TTLL11: variants seen among roughly 807,000 people sequenced by gnomAD.
TTLL11 encodes tubulin tyrosine ligase like 11.
In TTLL11, 42 loss-of-function variants were observed where a neutral mutation model predicts 51.7. That is an observed-to-expected ratio of 0.81 (90% confidence interval 0.64 to 1.05). TTLL11 has a LOEUF of 1.05. Ranked by LOEUF, TTLL11 falls within the 50% of genes least tolerant of loss-of-function variation. The probability of loss-of-function intolerance (pLI) is 0.00; values close to 1 mark genes in which losing one functional copy is unlikely to be tolerated. For missense variants in TTLL11, 799 were observed against 940.4 expected, an observed-to-expected ratio of 0.85 and a Z score of 1.97; for synonymous variants, 381 against 383.5, an observed-to-expected ratio of 0.99 and a Z score of 0.08.
intron 8 of TTLL11, among the ~76,000 whole-genome samples, chr9:121,832,395 A>G (rs1837045909): frequency 1.3e-5 from 2 of 152,216 alleles, no homozygotes; most frequent in Admixed American, 1.3e-4. Context: ...CTCTTTGGTA[A>G]CATTGCCTTA....
In TTLL11 at chr9:121,817,179, T is replaced by C. The variant is rs1836436245; in HGVS notation, c.*5408A>G. The C allele has an allele frequency of 6.6e-6, 1 of 152,132 alleles. No individual in the cohort carries two copies. The highest frequency in any genetic ancestry group is 1.5e-5 in the Non-Finnish European group (1 of 68,054). 9.4% of individuals were successfully genotyped at this position (152,132 alleles called of 1,614,324 possible). A position where few individuals can be genotyped will look rare whatever the true frequency, so the allele number is the denominator to read the frequency against. ...AAGAAATGGGGAAAAAATTAAGCTATTCTGGAGGGACACTCTGCCAATCAC... is the reference window on the plus strand; with the variant it reads ...AAGAAATGGGGAAAAAATTAAGCTACTCTGGAGGGACACTCTGCCAATCAC... On this transcript the variant is annotated 3_prime_UTR_variant, in exon 9 of 9. Transcript: ENST00000321582.
At chr9:122,005,954 T>C (rs1056145950) in intron 3 of TTLL11, among the ~76,000 whole-genome samples, 5 of 152,232 alleles carry the variant, frequency 3.3e-5, no homozygotes, top group African/African-American at 1.2e-4. Flanking sequence ...GTATATAACA[T>C]GAAGACAGCC....
intron 1 of TTLL11, among the ~76,000 whole-genome samples, chr9:122,060,719 G>C (rs149105712): frequency 6.6e-6 from 1 of 152,146 alleles, no homozygotes; most frequent in African/African-American, 2.4e-5. Context: ...CTGTAAAATG[G>C]GGGGAGAAGT....
intron 1 of TTLL11, among the ~76,000 whole-genome samples, chr9:122,069,359 T>G (rs1040803465): frequency 6.6e-6 from 1 of 152,112 alleles, no homozygotes; most frequent in Non-Finnish European, 1.5e-5. Flanking sequence ...TCACTGCTAG[T>G]CAGCCAGGGG....
Position 121,860,462 on chromosome 9 carries a change from G to T in TTLL11, c.1734-19C>A. ...GCAGCTCCTGCCAACAATGGGAAGTGACATGTCACTGCCAGCCTGAAACCT... is the reference window on the plus strand; with the variant it reads ...GCAGCTCCTGCCAACAATGGGAAGTTACATGTCACTGCCAGCCTGAAACCT... On this transcript the variant is annotated intron_variant, in intron 7 of 8. Transcript: ENST00000321582. 1 of 1,545,532 alleles carries T rather than the reference G, an allele frequency of 6.5e-7. No individual in the cohort carries two copies. The highest frequency in any genetic ancestry group is 1.2e-5 in the South Asian group (1 of 83,744).
intron 6 of TTLL11, among the ~76,000 whole-genome samples, chr9:121,905,149 ATC>A: frequency 6.6e-6 from 1 of 152,286 alleles, no homozygotes; most frequent in South Asian, 2.1e-4. Context: ...GTAATATTAT[ATC>A]TCTCTGTAGA....
chr9:121,998,982 C>T (rs1843377487), intron 3 of TTLL11, among the ~76,000 whole-genome samples: 1 of 152,152 alleles, frequency 6.6e-6, no homozygotes, highest in Non-Finnish European at 1.5e-5. Flanking sequence ...GGTTTCTCCC[C>T]ATATTCCAAG....
At chr9:121,826,217 T>TATATATATATATATA (rs1491163835) in intron 8 of TTLL11, among the ~76,000 whole-genome samples, 1 of 58,114 alleles carries the variant, frequency 1.7e-5, no homozygotes, top group Non-Finnish European at 3.0e-5. Flanking sequence ...TATATATATA[T>TATATATATATATATA]GCACACATAT....
rs930400637 is a variant in TTLL11 at position 121,974,129 on chromosome 9, A to C, written c.1366-5T>G. On this transcript the variant is annotated splice_polypyrimidine_tract_variant and splice_region_variant and intron_variant, in intron 5 of 8. Transcript: ENST00000321582. Reference sequence around the variant, plus strand: ...TTCAAACACCCCTGGAGAAAGCTTGAACGGGTAAGGATTCTGTGTCACAGT... The same window carrying C: ...TTCAAACACCCCTGGAGAAAGCTTGCACGGGTAAGGATTCTGTGTCACAGT... 1.9e-6 allele frequency: 3 copies of C among 1,548,602 alleles called. No homozygotes were observed. Among genetic ancestry groups the C allele is most frequent in the Non-Finnish European group, 2.6e-6 (3 of 1,144,706 alleles).
chr9:121,917,574 AAAGG>A lies in TTLL11; in HGVS notation c.1482-46830_1482-46827del, dbSNP rs1335633530. ...AAGAAAAAGAAAGAAAGAAAGAAAG[AAAGG>A]AAGGAAAAGAAGAGAGGGAAAGAAG... On this transcript the variant is annotated intron_variant, in intron 6 of 8. Coordinates refer to ENST00000321582, the MANE Select transcript of TTLL11 (RefSeq NM_001139442.2). 4.0e-3 allele frequency among the ~76,000 whole-genome samples: 572 copies of A among 144,504 alleles called. 3 individuals carry two copies. The highest frequency in any genetic ancestry group is 0.014 in the African/African-American group (537 of 39,138). The allele number at this position is 144,504 out of a possible 152,430, so 94.8% of individuals were successfully genotyped here.
chr9:122,000,471 CAAAAAA>C (rs57775265), intron 3 of TTLL11, among the ~76,000 whole-genome samples: 517 of 22,792 alleles, frequency 0.023, 1 homozygote, highest in African/African-American at 0.062. Flanking sequence ...GACTCCGTCG[CAAAAAA>C]AAAAAAAAAA....
chr9:121,853,141 G>A lies in TTLL11; in HGVS notation c.1840+7196C>T, dbSNP rs528458409. 6.6e-6 allele frequency among the ~76,000 whole-genome samples: 1 copy of A among 152,354 alleles called. No individual in the cohort carries two copies. Among genetic ancestry groups the A allele is most frequent in the East Asian group, 1.9e-4 (1 of 5,184 alleles). On this transcript the variant is annotated intron_variant, in intron 8 of 8. Coordinates refer to ENST00000321582, the MANE Select transcript of TTLL11 (RefSeq NM_001139442.2). The surrounding 1 kb of genome is among the most constrained non-coding windows in gnomAD (Gnocchi z 5.6). ...AGGGATTTTGCTGAGAGATGGTCAT[G>A]AGGCTCAGACACCCATGGGATTGGT...
At chr9:121,987,071 C>A (rs1842960790) in intron 4 of TTLL11, among the ~76,000 whole-genome samples, 1 of 151,586 alleles carries the variant, frequency 6.6e-6, no homozygotes, top group Admixed American at 6.6e-5. Flanking sequence ...CAAAAACAAG[C>A]AAAACAAAAC....
At position 121,897,620 on chromosome 9, in the gene TTLL11, A is replaced by ACG. The variant is rs1839577888; in HGVS notation, c.1482-26873_1482-26872insCG. The stretch of plus-strand genomic sequence containing the variant: ...CCTTCCCAGGCATTTCCCTCCAGGC[A>ACG]CACACACACACACACACACACGCGC... On this transcript the variant is annotated intron_variant, in intron 6 of 8. Coordinates refer to ENST00000321582, the MANE Select transcript of TTLL11 (RefSeq NM_001139442.2). 4.4e-4 allele frequency among the ~76,000 whole-genome samples: 58 copies of ACG among 132,460 alleles called. 1 individual carries two copies. In the East Asian group the frequency reaches 0.01, roughly 23 times the overall value. The allele number at this position is 132,460 out of a possible 152,430, so 86.9% of individuals were successfully genotyped here.
intron 1 of TTLL11, among the ~76,000 whole-genome samples, chr9:122,083,335 T>C (rs573394989): frequency 6.6e-6 from 1 of 152,178 alleles, no homozygotes; most frequent in South Asian, 2.1e-4. Context: ...TGAAAGCAGG[T>C]GTCACAATGG....
chr9:121,922,777 G>T (rs566820677), intron 6 of TTLL11, among the ~76,000 whole-genome samples: 131 of 152,080 alleles, frequency 8.6e-4, no homozygotes, highest in African/African-American at 3.1e-3. Flanking sequence ...GTGTGTGTGT[G>T]TGTGTGTGTG....
intron 6 of TTLL11, among the ~76,000 whole-genome samples, chr9:121,919,822 G>A (rs1232894555): frequency 6.8e-6 from 1 of 146,240 alleles, no homozygotes; most frequent in African/African-American, 2.6e-5. Context: ...AACCAGCCTG[G>A]GCAACATAGT....
intron 1 of TTLL11, among the ~76,000 whole-genome samples, chr9:122,079,917 T>C (rs905110569): frequency 2.6e-5 from 4 of 152,060 alleles, no homozygotes; most frequent in African/African-American, 9.7e-5. Context: ...CACTTGAGGC[T>C]AGGCGTTCAC....
At chr9:121,943,555 A>G (rs1196816498) in intron 6 of TTLL11, among the ~76,000 whole-genome samples, 1 of 152,216 alleles carries the variant, frequency 6.6e-6, no homozygotes, top group East Asian at 1.9e-4. Context: ...AAACTGCTAC[A>G]TTTCTCAGAT....
Sources: allele counts gnomAD v4.1 joint callset (sites outside exome capture counted in the v4.1 genomes callset), GRCh38; gene constraint gnomAD v4.1.1; non-coding constraint Gnocchi (gnomAD v3.1); transcripts MANE v1.5; gene names NCBI Gene and HGNC (gene_info 2026-07-23, HGNC 2026-07-21).